The following MAN1B1 variants were observed in gnomAD, a reference collection of about 807,000 sequenced individuals.
MAN1B1 encodes the protein mannosidase alpha class 1B member 1.
Under a neutral mutation model 75.5 loss-of-function variants are expected in MAN1B1, and 66 were observed. That is an observed-to-expected ratio of 0.87 (90% CI 0.72 to 1.07). MAN1B1 has a LOEUF of 1.07. Ranked by LOEUF, MAN1B1 falls within the 50% of genes least tolerant of loss-of-function variation. The probability of loss-of-function intolerance (pLI) is 0.00; values close to 1 mark genes in which losing one functional copy is unlikely to be tolerated. For synonymous variants in MAN1B1, 453 were observed against 382.8 expected, an observed-to-expected ratio of 1.18 and a Z score of -2.14; for missense variants, 973 against 912.5, an observed-to-expected ratio of 1.07 and a Z score of -0.85.
chr9:137,106,139 G>GCT lies in MAN1B1; in HGVS notation c.1269_1270insCT (p.Val424LeufsTer2). On this transcript the variant is annotated frameshift_variant, in exon 9 of 13. Coordinates refer to ENST00000371589, the MANE Select transcript of MAN1B1 (RefSeq NM_016219.5). LOFTEE classifies it high-confidence loss of function. ...TTCTGCCGCAGGAGGCAGTGGAGAAGGTGACACAGCACATCCACGGCCTGT... is the reference window on the plus strand; with the variant it reads ...TTCTGCCGCAGGAGGCAGTGGAGAAGCTGTGACACAGCACATCCACGGCCTGT... The GCT allele has an allele frequency of 6.2e-7, 1 of 1,612,976 alleles. No homozygotes were observed. Among genetic ancestry groups the GCT allele is most frequent in the Non-Finnish European group, 8.5e-7 (1 of 1,179,898 alleles).
chr9:137,103,748 G>T (rs1250294705), intron 8 of MAN1B1: 2 of 450,578 alleles, frequency 4.4e-6, no homozygotes, highest in Non-Finnish European at 8.9e-6. Flanking sequence ...TTGCAGGCGT[G>T]CAGGTCGGTG....
intron 3 of MAN1B1, among the ~76,000 whole-genome samples, chr9:137,094,810 G>A (rs1830613048): frequency 6.6e-6 from 1 of 151,826 alleles, no homozygotes; most frequent in East Asian, 1.9e-4. Context: ...AACCCAGGAG[G>A]CAGAGGTTGC....
chr9:137,088,205 G>C (rs1168569023), intron 2 of MAN1B1, 22 bp downstream of exon 2: 1 of 1,613,902 alleles, frequency 6.2e-7, no homozygotes, highest in African/African-American at 1.3e-5. Flanking sequence ...ACGTGTACTT[G>C]AAAACGATAT....
chr9:137,102,226 G>A lies in MAN1B1; in HGVS notation c.1254+554G>A, dbSNP rs375505979. On this transcript the variant is annotated intron_variant, in intron 8 of 12. Transcript: ENST00000371589. ...ACGTGCTGTTGCAGGTGTGCAGGTCGGTGGTGGTACACACATTCATGCTGT... is the reference window on the plus strand; with the variant it reads ...ACGTGCTGTTGCAGGTGTGCAGGTCAGTGGTGGTACACACATTCATGCTGT... The A allele has an allele frequency of 3.6e-5, 16 of 443,800 alleles. 2 individuals carry two copies. The highest frequency in any genetic ancestry group is 2.1e-4 in the South Asian group (13 of 62,574). The allele number at this position is 443,800 out of a possible 1,614,324, so 27.5% of individuals were successfully genotyped here.
At chr9:137,090,236 C>T (rs1830481380) in intron 3 of MAN1B1, among the ~76,000 whole-genome samples, 1 of 152,122 alleles carries the variant, frequency 6.6e-6, no homozygotes, top group East Asian at 1.9e-4. Flanking sequence ...TTAGAAGGCC[C>T]TTAGGGTGTT....
chr9:137,091,264 T>C (rs1480561763), intron 3 of MAN1B1, among the ~76,000 whole-genome samples: 1 of 152,158 alleles, frequency 6.6e-6, no homozygotes, highest in Non-Finnish European at 1.5e-5. Context: ...CATTGAAAGA[T>C]GTGTTTCCAC....
chr9:137,106,295 G>C lies in MAN1B1; in HGVS notation c.1425G>C (p.Gln475His). The C allele has an allele frequency of 5.1e-6, 8 of 1,555,162 alleles. No homozygotes were observed. The South Asian group carries it at 9.5e-5, about 18-fold the overall frequency. ...YYEYLLKQWIQGGKQETQLLE... is the reference protein window; with the variant it reads ...YYEYLLKQWIHGGKQETQLLE... ...AGTACCTGCTGAAGCAGTGGATCCA[G>C]GGCGGGAAGCAGGAGACACAGTGAG... The change falls in exon 9 of 13, where the codon CAG (glutamine) becomes CAC (histidine). Residue 475 changes from glutamine (Q) to histidine (H), a missense_variant. Physicochemically the swap from Gln to His is conservative, Grantham distance 24 (BLOSUM62 0). Coordinates refer to ENST00000371589, the MANE Select transcript of MAN1B1 (RefSeq NM_016219.5).
rs1398449517 is a variant in MAN1B1 at position 137,087,044 on chromosome 9, T to C, written c.45T>C (p.Ser15=). ...EGRRSGALGS[S]QSDFLTPPVG... ...GGAGAAGCGGAGCTCTCGGTTCCTC[T>C]CAGTCGGACTTCCTGACGCCGCCAG... Residue 15 remains serine (S), a synonymous_variant, in exon 1 of 13, where the codon TCT becomes TCC. Coordinates refer to ENST00000371589, the MANE Select transcript of MAN1B1 (RefSeq NM_016219.5). 2 of 1,604,400 alleles carry C rather than the reference T, an allele frequency of 1.2e-6. No homozygotes were observed. Among genetic ancestry groups the C allele is most frequent in the Admixed American group, 3.4e-5 (2 of 58,834 alleles).
chr9:137,088,576 T>C, intron 2 of MAN1B1: 1 of 793,370 alleles, frequency 1.3e-6, no homozygotes, highest in Non-Finnish European at 2.0e-6. Context: ...GATGCTTCTC[T>C]TTGGAGCAAA....
At chr9:137,096,909 C>T (rs914511283) in intron 4 of MAN1B1, among the ~76,000 whole-genome samples, 2 of 152,194 alleles carry the variant, frequency 1.3e-5, no homozygotes, top group African/African-American at 2.4e-5. Context: ...GTGGTTGAGG[C>T]GGAAGGAAGG....
chr9:137,098,070 TGTC>T, intron 5 of MAN1B1, 133 bp downstream of exon 5: 1 of 687,710 alleles, frequency 1.5e-6, no homozygotes, highest in Non-Finnish European at 2.6e-6. Flanking sequence ...ATCCCCCTGT[TGTC>T]TGAGTCCTCA....
intron 3 of MAN1B1, 139 bp downstream of exon 3, chr9:137,089,144 A>G: frequency 9.0e-7 from 1 of 1,109,880 alleles, no homozygotes; most frequent in Non-Finnish European, 1.4e-6. Context: ...GACTGGTCGG[A>G]TAATACTTGG....
At chr9:137,088,683 C>G in intron 2 of MAN1B1, 186 bp from the exon 3 acceptor site, 2 of 766,368 alleles carry the variant, frequency 2.6e-6, no homozygotes, top group Non-Finnish European at 4.3e-6. Flanking sequence ...GACAAGGACA[C>G]AAACTGCCAA....
rs748239937 is a variant in MAN1B1, at chr9:137,099,802, G to A, written c.837G>A (p.Arg279=). Residue 279 remains arginine (R), a synonymous_variant, in exon 6 of 13, where the codon AGG becomes AGA. Transcript: ENST00000371589. The part of the protein sequence containing the change: ...WGHDELKPVS[R]SFSEWFGLGL... ...ATGACGAGCTGAAGCCTGTGTCCAGGTCCTTCAGTGAGTGGTTTGGCCTCG... is the reference window on the plus strand; with the variant it reads ...ATGACGAGCTGAAGCCTGTGTCCAGATCCTTCAGTGAGTGGTTTGGCCTCG... 2.5e-6 allele frequency: 4 copies of A among 1,614,232 alleles called. No homozygotes were observed. In the East Asian group the frequency reaches 8.9e-5, roughly 36 times the overall value.
chr9:137,099,809 A>C lies in MAN1B1; in HGVS notation c.844A>C (p.Ser282Arg). Reference protein sequence around the residue: ...DELKPVSRSFSEWFGLGLTLI... With the variant: ...DELKPVSRSFREWFGLGLTLI... The stretch of plus-strand genomic sequence containing the variant: ...GCTGAAGCCTGTGTCCAGGTCCTTC[A>C]GTGAGTGGTTTGGCCTCGGTCTCAC... The change falls in exon 6 of 13, where the codon AGT (serine) becomes CGT (arginine). Residue 282 changes from serine (S) to arginine (R), a missense_variant. Transcript: ENST00000371589. 1 of 1,614,230 alleles carries C rather than the reference A, an allele frequency of 6.2e-7. No homozygotes were observed. Among genetic ancestry groups the C allele is most frequent in the Non-Finnish European group, 8.5e-7 (1 of 1,180,040 alleles).
intron 3 of MAN1B1, among the ~76,000 whole-genome samples, chr9:137,090,155 G>A (rs902380788): frequency 1.2e-4 from 18 of 152,150 alleles, no homozygotes; most frequent in Non-Finnish European, 1.9e-4. Context: ...GGTTCAGGAA[G>A]AACAGCCAAA....
chr9:137,096,710 T>A (rs951210789), intron 4 of MAN1B1, among the ~76,000 whole-genome samples: 17 of 152,194 alleles, frequency 1.1e-4, no homozygotes, highest in African/African-American at 3.9e-4. Flanking sequence ...GGCCACCTCC[T>A]TTCCCGAGCC....
Position 137,108,680 on chromosome 9 carries a change from C to A in MAN1B1, c.*89C>A. On this transcript the variant is annotated 3_prime_UTR_variant, in exon 13 of 13. Coordinates refer to ENST00000371589, the MANE Select transcript of MAN1B1 (RefSeq NM_016219.5). ...TTTCCAAGGGCCCACGTAGCACCGG[C>A]AACCGCCAAGTGGCCCAGGCTCTGA... 7.9e-7 allele frequency: 1 copy of A among 1,271,604 alleles called. No individual in the cohort carries two copies. The allele number at this position is 1,271,604 out of a possible 1,614,324, so 78.8% of individuals were successfully genotyped here.
rs769419633 is a variant in MAN1B1, at chr9:137,107,651, C to T, written c.1885C>T (p.Arg629Ter). 1.5e-5 allele frequency: 24 copies of T among 1,609,498 alleles called. No homozygotes were observed. Among genetic ancestry groups the T allele is most frequent in the South Asian group, 2.2e-5 (2 of 91,092 alleles). Residue 629 changes from arginine to a stop codon, truncating the protein, a stop_gained, in exon 12 of 13, where the codon CGA (arginine) becomes TGA (stop). Transcript: ENST00000371589. LOFTEE classifies it high-confidence loss of function. ...CTGGGAGATTCTGCAGAGCTTCAGC[C>T]GATTCACACGGGTGAGCACCTGTCC... ...WGWEILQSFS[R>*]FTRVPSGGYS...
Sources: gnomAD v4.1 joint callset for allele counts (sites outside exome capture counted in the v4.1 genomes callset) on GRCh38, gnomAD v4.1.1 for gene constraint, MANE v1.5 for transcripts, NCBI Gene and HGNC (gene_info 2026-07-23, HGNC 2026-07-21) for gene names.